The following IQGAP2 variants were observed in gnomAD, a reference collection of about 807,000 sequenced individuals.
The protein encoded by IQGAP2 is ras GTPase-activating-like protein IQGAP2.
Under a neutral mutation model 201.3 loss-of-function variants are expected in IQGAP2, and 173 were observed. The ratio of observed to expected loss-of-function variants is 0.86; its 90% CI spans 0.76 to 0.98. IQGAP2 has a LOEUF of 0.98. IQGAP2 is among the 50% of genes least tolerant of loss of function. The pLI, the probability that IQGAP2 is intolerant of heterozygous loss-of-function variation, is 0.00. For missense variants in IQGAP2, 1,687 were observed against 1,864.8 expected (o/e 0.90, Z 1.76); for synonymous variants, 675 against 673.9 (o/e 1.00, Z -0.03).
intron 21 of IQGAP2, among the ~76,000 whole-genome samples, chr5:76,662,220 C>T (rs1743318475): frequency 6.6e-6 from 1 of 152,200 alleles, no homozygotes; most frequent in South Asian, 2.1e-4. Context: ...CCTTGGAGCT[C>T]CAGCAGACAG....
At chr5:76,515,594 G>A (rs1377779804) in intron 2 of IQGAP2, among the ~76,000 whole-genome samples, 1 of 152,170 alleles carries the variant, frequency 6.6e-6, no homozygotes, top group Non-Finnish European at 1.5e-5. Flanking sequence ...AGGAGATAAA[G>A]AAGTGCATCT....
intron 30 of IQGAP2, among the ~76,000 whole-genome samples, 196 bp downstream of exon 30, chr5:76,684,113 T>G (rs1180055265): frequency 6.6e-6 from 1 of 152,250 alleles, no homozygotes; most frequent in East Asian, 1.9e-4. Flanking sequence ...TATAATAGTT[T>G]ACAACACCTT....
chr5:76,518,672 T>C (rs1287614167), intron 2 of IQGAP2, among the ~76,000 whole-genome samples: 2 of 152,192 alleles, frequency 1.3e-5, no homozygotes, highest in Non-Finnish European at 2.9e-5. Flanking sequence ...CGGAGGTTAT[T>C]TGCCCAAAGT....
intron 1 of IQGAP2, among the ~76,000 whole-genome samples, chr5:76,424,178 CA>C (rs1449491929): frequency 6.6e-6 from 1 of 152,180 alleles, no homozygotes; most frequent in African/African-American, 2.4e-5. Flanking sequence ...TGAGGGGCTT[CA>C]ATATTGTTTT....
intron 2 of IQGAP2, among the ~76,000 whole-genome samples, chr5:76,539,166 C>T (rs1281802233): frequency 6.6e-6 from 1 of 152,236 alleles, no homozygotes; most frequent in Non-Finnish European, 1.5e-5. Context: ...TCCTGCCCCT[C>T]TGACCTCAAC....
Position 76,683,890 on chromosome 5 carries a change from C to T in IQGAP2, c.3878C>T (p.Ala1293Val). ...TSKYDIEDGE[A>V]IDSRSLMIKT... ...AAATATGACATAGAGGACGGTGAAG[C>T]TATAGATAGCCGAAGCCTCATGATA... Residue 1293 changes from alanine to valine, a missense_variant, in exon 30 of 36, where the codon GCT becomes GTT. Ala to Val is a moderately conservative substitution (Grantham distance 64). Coordinates refer to ENST00000274364, the MANE Select transcript of IQGAP2 (RefSeq NM_006633.5). 1 of 1,612,464 alleles carries T rather than the reference C, an allele frequency of 6.2e-7. No individual in the cohort carries two copies. Among genetic ancestry groups the T allele is most frequent in the Non-Finnish European group, 8.5e-7 (1 of 1,179,242 alleles).
chr5:76,485,241 G>C (rs1402150032), intron 2 of IQGAP2, among the ~76,000 whole-genome samples: 1 of 152,176 alleles, frequency 6.6e-6, no homozygotes, highest in African/African-American at 2.4e-5. Context: ...CAATTCTCTG[G>C]ATGACCATGC....
chr5:76,403,898 A>G lies in IQGAP2; in HGVS notation c.46+307A>G, dbSNP rs114292384. On this transcript the variant is annotated intron_variant, in intron 1 of 35. Transcript: ENST00000274364. This position sits in a 1 kb window ranked among gnomAD's most constrained non-coding sequence, Gnocchi z 4.8. ...CAGACCAGGTTGGGATTTTAGGGGT[A>G]TCAGGTGAGGAGTCCGCGGAGCTCC... is the stretch of plus-strand genomic sequence containing the variant. Among the ~76,000 whole-genome samples the G allele has an allele frequency of 0.012, 1,828 of 152,246 alleles. 45 individuals are homozygous for G. The highest frequency in any genetic ancestry group is 0.041 in the African/African-American group (1,719 of 41,564).
chr5:76,675,249 T>G (rs943585929), intron 27 of IQGAP2, among the ~76,000 whole-genome samples: 1 of 152,172 alleles, frequency 6.6e-6, no homozygotes, highest in African/African-American at 2.4e-5. Context: ...TACAAACAGA[T>G]GACTTTTCAC....
At chr5:76,496,721 TTTCTTTTC>T (rs1452179730) in intron 2 of IQGAP2, among the ~76,000 whole-genome samples, 74 of 19,578 alleles carry the variant, frequency 3.8e-3, no homozygotes, top group African/African-American at 0.012. Flanking sequence ...TCTTTCTTTC[TTTCTTTTC>T]TTTCTTTCTT....
At position 76,697,969 on chromosome 5, in the gene IQGAP2, CCTTA is replaced by C; in HGVS notation, c.4207-14_4207-11del. The C allele has an allele frequency of 1.9e-6, 3 of 1,598,272 alleles. No individual in the cohort carries two copies. Among genetic ancestry groups the C allele is most frequent in the Non-Finnish European group, 2.6e-6 (3 of 1,171,352 alleles). On this transcript the variant is annotated splice_polypyrimidine_tract_variant and intron_variant, in intron 32 of 35. Transcript: ENST00000274364. ...CAAACTTCTGCTTAAATATGATACC[CCTTA>C]CTTGTTGTTTTAGGATATTCGAAAT...
chr5:76,574,417 C>T (rs2150279006), intron 4 of IQGAP2, among the ~76,000 whole-genome samples: 1 of 152,292 alleles, frequency 6.6e-6, no homozygotes, highest in East Asian at 1.9e-4. Context: ...AATTCTCCTG[C>T]CTCAGCCTCC....
intron 1 of IQGAP2, among the ~76,000 whole-genome samples, chr5:76,454,189 C>T (rs972284163): frequency 6.6e-6 from 1 of 152,170 alleles, no homozygotes; most frequent in Non-Finnish European, 1.5e-5. Flanking sequence ...ACCCCACCCA[C>T]AAACCCAGTC....
intron 2 of IQGAP2, among the ~76,000 whole-genome samples, chr5:76,549,941 AC>A (rs1454809548): frequency 6.6e-6 from 1 of 152,068 alleles, no homozygotes; most frequent in Non-Finnish European, 1.5e-5. Context: ...TGCCCTCTGC[AC>A]CCCCAAAATT....
At chr5:76,686,944 G>T (rs769589021) in intron 30 of IQGAP2, among the ~76,000 whole-genome samples, 3 of 152,128 alleles carry the variant, frequency 2.0e-5, no homozygotes, top group Admixed American at 6.6e-5. Flanking sequence ...TTTATTTCTG[G>T]ATTTTCAATT....
chr5:76,431,803 C>T (rs559941244), intron 1 of IQGAP2, among the ~76,000 whole-genome samples: 24 of 136,782 alleles, frequency 1.8e-4, no homozygotes, highest in African/African-American at 6.2e-4. Flanking sequence ...AGCCTGGCGA[C>T]AGAGACTCTG....
chr5:76,703,235 A>G (rs1288456965), intron 35 of IQGAP2, among the ~76,000 whole-genome samples: 1 of 152,100 alleles, frequency 6.6e-6, no homozygotes, highest in Non-Finnish European at 1.5e-5. Flanking sequence ...GGTTCACTGC[A>G]GCCTCAACCT....
chr5:76,421,543 G>A (rs760499002), intron 1 of IQGAP2, among the ~76,000 whole-genome samples: 48 of 152,114 alleles, frequency 3.2e-4, no homozygotes, highest in Non-Finnish European at 6.0e-4. Flanking sequence ...CTTGAGCCCC[G>A]GAAGTTAAGG....
intron 5 of IQGAP2, among the ~76,000 whole-genome samples, chr5:76,578,087 T>C (rs1281575159): frequency 6.6e-6 from 1 of 152,200 alleles, no homozygotes; most frequent in Non-Finnish European, 1.5e-5. Flanking sequence ...ACCTAACTTC[T>C]GGGTGCTTAT....
Sources: allele counts gnomAD v4.1 joint callset (sites outside exome capture counted in the v4.1 genomes callset), GRCh38; gene constraint gnomAD v4.1.1; non-coding constraint Gnocchi (gnomAD v3.1); transcripts MANE v1.5; gene names NCBI Gene and HGNC (gene_info 2026-07-23, HGNC 2026-07-21).